The following NEMP1 variants were observed in gnomAD, a reference collection of about 807,000 sequenced individuals.
NEMP1 encodes transmembrane protein 194.
A neutral mutation model predicts 53.7 loss-of-function variants in NEMP1; 29 were observed. The ratio of observed to expected loss-of-function variants is 0.54; its 90% CI spans 0.40 to 0.74. The LOEUF is 0.74. Among genes scored for constraint, NEMP1 ranks in the 30% least tolerant of loss-of-function variants. The pLI is 0.00. For synonymous variants in NEMP1, 193 were observed against 192.9 expected (o/e 1.00, Z 0.00); for missense variants, 477 against 528.6 (o/e 0.90, Z 0.96).
At chr12:57,088,136 A>G (rs1033177657), upstream of NEMP1, 1 of 152,190 alleles carries the variant, frequency 6.6e-6, no homozygotes, top group Non-Finnish European at 1.5e-5. Flanking sequence ...CAGGAAGGGT[A>G]TCGTCTTTGT....
At position 57,058,132 on chromosome 12, in the gene NEMP1, A is replaced by G. The variant is rs2031617365; in HGVS notation, c.*1747T>C. The G allele has an allele frequency of 6.6e-6, 1 of 152,136 alleles. No homozygotes were observed. The highest frequency in any genetic ancestry group is 1.5e-5 in the Non-Finnish European group (1 of 68,042). The allele number at this position is 152,136 out of a possible 1,614,324, so 9.4% of individuals were successfully genotyped here. ...TCTGCCCAAATACTGCTCATTTTTC[A>G]CTTTCTACTATATGTCTCTTTCCTG... On this transcript the variant is annotated 3_prime_UTR_variant, in exon 9 of 9. Coordinates refer to ENST00000300128, the MANE Select transcript of NEMP1 (RefSeq NM_001130963.2).
chr12:57,065,582 C>T (rs946791054), intron 4 of NEMP1, among the ~76,000 whole-genome samples: 1 of 148,240 alleles, frequency 6.7e-6, no homozygotes, highest in Non-Finnish European at 1.5e-5. Context: ...GGTGCGATGG[C>T]GTCATCATGG....
intron 2 of NEMP1, among the ~76,000 whole-genome samples, chr12:57,071,488 C>T (rs1004345686): frequency 6.6e-6 from 1 of 152,034 alleles, no homozygotes; most frequent in African/African-American, 2.4e-5. Context: ...AGCGATTCTT[C>T]TGCCTCAGCC....
At chr12:57,068,544 G>T (rs866454639) in intron 4 of NEMP1, among the ~76,000 whole-genome samples, 69 of 152,090 alleles carry the variant, frequency 4.5e-4, no homozygotes, top group African/African-American at 1.5e-3. Context: ...GTTTTGCCAT[G>T]TTGCCCAGGC....
chr12:57,057,173 G>C lies in NEMP1; in HGVS notation c.*2706C>G, dbSNP rs750939507. 6 of 152,202 alleles carry C rather than the reference G, an allele frequency of 3.9e-5. No homozygotes were observed. The South Asian group carries it at 6.2e-4, about 16-fold the overall frequency. The allele number at this position is 152,202 out of a possible 1,614,324, so 9.4% of individuals were successfully genotyped here. On this transcript the variant is annotated 3_prime_UTR_variant, in exon 9 of 9. Coordinates refer to ENST00000300128, the MANE Select transcript of NEMP1 (RefSeq NM_001130963.2). ...ATTAATGCTCTACATAATTTGGTCA[G>C]ACTGATGAGAGGCAATAGATTTCCA... is the stretch of plus-strand genomic sequence containing the variant.
At chr12:57,081,906 C>CA (rs2032858182), upstream of NEMP1, among the ~76,000 whole-genome samples, 1 of 135,430 alleles carries the variant, frequency 7.4e-6, no homozygotes, top group Non-Finnish European at 1.6e-5. Flanking sequence ...GACTCCGTCT[C>CA]AAAAAATAAG....
chr12:57,078,986 A>C (rs534442586), upstream of NEMP1, among the ~76,000 whole-genome samples: 1 of 152,370 alleles, frequency 6.6e-6, no homozygotes, highest in South Asian at 2.1e-4. Flanking sequence ...CAGTGGCGAC[A>C]GGAAGATCCC....
At position 57,057,514 on chromosome 12, in the gene NEMP1, G is replaced by C. The variant is rs754213496; in HGVS notation, c.*2365C>G. 2 of 152,572 alleles carry C rather than the reference G, an allele frequency of 1.3e-5. No individual in the cohort carries two copies. Among genetic ancestry groups the C allele is most frequent in the Non-Finnish European group, 2.9e-5 (2 of 68,292 alleles). The allele number at this position is 152,572 out of a possible 1,614,324, so 9.5% of individuals were successfully genotyped here. A position where few individuals can be genotyped will look rare whatever the true frequency, so the allele number is the denominator to read the frequency against. ...GGAACACAGAGGATCTGAAGCATCT[G>C]GGCAGAGCCACAGGCAGGCAGGGCA... On this transcript the variant is annotated 3_prime_UTR_variant, in exon 9 of 9. Coordinates refer to ENST00000300128, the MANE Select transcript of NEMP1 (RefSeq NM_001130963.2).
intron 4 of NEMP1, among the ~76,000 whole-genome samples, chr12:57,068,358 T>A (rs2032193858): frequency 6.6e-6 from 1 of 152,078 alleles, no homozygotes; most frequent in Non-Finnish European, 1.5e-5. Flanking sequence ...ACTTGATTTT[T>A]TTTTTTTTTT....
intron 7 of NEMP1, among the ~76,000 whole-genome samples, chr12:57,061,693 C>CA (rs35332826): frequency 0.52 from 46,664 of 89,170 alleles, 10,942 homozygotes; most frequent in Non-Finnish European, 0.59. Context: ...AACTCCATCT[C>CA]AAAAAAAAAA....
chr12:57,061,703 A>C lies in NEMP1; in HGVS notation c.981-758T>G, dbSNP rs927592954. Among the ~76,000 whole-genome samples, 7 of 149,892 alleles carry C rather than the reference A, an allele frequency of 4.7e-5. 1 individual carries two copies. Among genetic ancestry groups the C allele is most frequent in the African/African-American group, 7.4e-5 (3 of 40,712 alleles). On this transcript the variant is annotated intron_variant, in intron 7 of 8. Coordinates refer to ENST00000300128, the MANE Select transcript of NEMP1 (RefSeq NM_001130963.2). Reference sequence around the variant, plus strand: ...AGCAAAACTCCATCTCAAAAAAAAAAAAAAACAAAAAAAAACGCCGGGCAA... The same window carrying C: ...AGCAAAACTCCATCTCAAAAAAAAACAAAAACAAAAAAAAACGCCGGGCAA...
At chr12:57,083,585 G>GC (rs1474772926), upstream of NEMP1, among the ~76,000 whole-genome samples, 5 of 152,194 alleles carry the variant, frequency 3.3e-5, no homozygotes, top group Non-Finnish European at 7.3e-5. Flanking sequence ...CAATCCCAAT[G>GC]CATCAGGACA....
intron 2 of NEMP1, 83 bp downstream of exon 2, chr12:57,072,705 G>A: frequency 1.4e-6 from 2 of 1,414,078 alleles, no homozygotes; most frequent in Admixed American, 2.3e-5. Flanking sequence ...AGCATGTGAA[G>A]GGGAAGAAAG....
chr12:57,086,292 T>C (rs2032989445), intron 1 of NEMP1, among the ~76,000 whole-genome samples: 1 of 152,190 alleles, frequency 6.6e-6, no homozygotes, highest in South Asian at 2.1e-4. Flanking sequence ...GGACTGAGGA[T>C]ACTGTTTCCC....
chr12:57,064,563 T>C, intron 5 of NEMP1, 83 bp downstream of exon 5: 1 of 1,033,694 alleles, frequency 9.7e-7, no homozygotes, highest in Non-Finnish European at 1.4e-6. Flanking sequence ...ATACACATTT[T>C]CAGTTTTCTA....
intron 4 of NEMP1, among the ~76,000 whole-genome samples, chr12:57,065,048 T>C (rs139335045): frequency 1.3e-5 from 2 of 152,248 alleles, no homozygotes; most frequent in Non-Finnish European, 2.9e-5. Context: ...AAAAATACTT[T>C]GCTAAAACCT....
chr12:57,060,699 G>A (rs559133294), intron 8 of NEMP1, 73 bp downstream of exon 8: 8 of 1,465,436 alleles, frequency 5.5e-6, no homozygotes, highest in South Asian at 5.3e-5. Context: ...CGATTCTCTA[G>A]AAGTATGATC....
intron 4 of NEMP1, among the ~76,000 whole-genome samples, chr12:57,066,030 G>A (rs1323569984): frequency 6.6e-6 from 1 of 151,922 alleles, no homozygotes; most frequent in Non-Finnish European, 1.5e-5. Context: ...TGAGATGGGA[G>A]GATCACGAGG....
At position 57,058,002 on chromosome 12, in the gene NEMP1, T is replaced by C. The variant is rs758571243; in HGVS notation, c.*1877A>G. 15 of 152,262 alleles carry C rather than the reference T, an allele frequency of 9.9e-5. No individual in the cohort carries two copies. Among genetic ancestry groups the C allele is most frequent in the Non-Finnish European group, 1.9e-4 (13 of 68,050 alleles). The allele number at this position is 152,262 out of a possible 1,614,324, so 9.4% of individuals were successfully genotyped here. ...AAATAGTATATTTCAGAAGTTTTAA[T>C]AGTTCTTTGTAGAGAGAGAACATTT... On this transcript the variant is annotated 3_prime_UTR_variant, in exon 9 of 9. Transcript: ENST00000300128.
Sources: gnomAD v4.1 joint callset for allele counts (sites outside exome capture counted in the v4.1 genomes callset) on GRCh38, gnomAD v4.1.1 for gene constraint, MANE v1.5 for transcripts, NCBI Gene and HGNC (gene_info 2026-07-23, HGNC 2026-07-21) for gene names.